Variants in CLOCK observed in about 807,000 individuals in gnomAD.
The protein encoded by CLOCK is circadian locomoter output cycles protein kaput.
In CLOCK, 43 loss-of-function variants were observed where a neutral mutation model predicts 118.4. The ratio of observed to expected loss-of-function variants is 0.36; its 90% CI spans 0.28 to 0.47. The LOEUF (loss-of-function observed/expected upper bound fraction) is 0.47, where lower values mean the gene tolerates loss of function less well. CLOCK is among the 20% of genes least tolerant of loss of function. CLOCK has a pLI of 1.00. For synonymous variants in CLOCK, 326 were observed against 339.2 expected, an observed-to-expected ratio of 0.96 and a Z score of 0.43; for missense variants, 846 against 999.9, an observed-to-expected ratio of 0.85 and a Z score of 2.08.
chr4:55,524,870 A>G (rs1403529185), intron 1 of CLOCK, among the ~76,000 whole-genome samples: 1 of 152,194 alleles, frequency 6.6e-6, no homozygotes, highest in African/African-American at 2.4e-5. Flanking sequence ...GCCTACAATG[A>G]TGATATCTCC....
At position 55,443,872 on chromosome 4, in the gene CLOCK, C is replaced by CAA; in HGVS notation, c.1716_1717insTT (p.Gly573LeufsTer3). 1 of 1,612,844 alleles carries CAA rather than the reference C, an allele frequency of 6.2e-7. No individual in the cohort carries two copies. The highest frequency in any genetic ancestry group is 8.5e-7 in the Non-Finnish European group (1 of 1,179,908). On this transcript the variant is annotated frameshift_variant, in exon 20 of 23. Transcript: ENST00000513440. LOFTEE classifies it high-confidence loss of function. ...AGTTGAACGGAACCAAAATTCAACC[C>CAA]AGGATTTGATTGTTGCAAAAACATC...
chr4:55,508,386 A>G (rs932810890), intron 2 of CLOCK, among the ~76,000 whole-genome samples: 2 of 152,210 alleles, frequency 1.3e-5, no homozygotes, highest in Admixed American at 6.5e-5. Flanking sequence ...TTAAAATGAC[A>G]CAGGTCAATA....
intron 2 of CLOCK, among the ~76,000 whole-genome samples, chr4:55,497,711 A>G (rs1728177490): frequency 6.6e-6 from 1 of 152,206 alleles, no homozygotes; most frequent in Admixed American, 6.5e-5. Context: ...ACTAAAGTCT[A>G]ACTTTATTGC....
chr4:55,499,531 T>C (rs187531428), intron 2 of CLOCK, among the ~76,000 whole-genome samples: 5 of 152,370 alleles, frequency 3.3e-5, no homozygotes, highest in Non-Finnish European at 7.3e-5. Flanking sequence ...CGCAGTTCAC[T>C]GCAGGGTTCA....
chr4:55,443,934 G>T (rs760074243), intron 19 of CLOCK, 38 bp from the exon 20 acceptor site: 1 of 1,572,334 alleles, frequency 6.4e-7, no homozygotes, highest in South Asian at 1.1e-5. Flanking sequence ...GAGCTTTGTA[G>T]ATTGAAAAGA....
rs922623108 is a variant in CLOCK at position 55,427,929 on chromosome 4, AGTCT to A, written c.*7482_*7485del. The A allele has an allele frequency of 9.2e-5, 14 of 152,350 alleles. No homozygotes were observed. Among genetic ancestry groups the A allele is most frequent in the African/African-American group, 3.4e-4 (14 of 41,580 alleles). 9.4% of individuals were successfully genotyped at this position (152,350 alleles called of 1,614,324 possible). The stretch of plus-strand genomic sequence containing the variant: ...TGATAGTGATCTTAAAATATTTAAT[AGTCT>A]TTCTTTAAAATCCAAAATGTGATTC... On this transcript the variant is annotated 3_prime_UTR_variant, in exon 23 of 23. Coordinates refer to ENST00000513440, the MANE Select transcript of CLOCK (RefSeq NM_004898.4).
chr4:55,432,424 C>T lies in CLOCK; in HGVS notation c.*2991G>A, dbSNP rs996404645. ...TCAGTAGTTTCTTACCTAAAAAGTA[C>T]CACCCAGAATAAGTGTTTTTAAGAA... On this transcript the variant is annotated 3_prime_UTR_variant, in exon 23 of 23. Coordinates refer to ENST00000513440, the MANE Select transcript of CLOCK (RefSeq NM_004898.4). 1 of 150,350 alleles carries T rather than the reference C, an allele frequency of 6.7e-6. No individual in the cohort carries two copies. The highest frequency in any genetic ancestry group is 6.6e-5 in the Admixed American group (1 of 15,064). The allele number at this position is 150,350 out of a possible 1,614,324, so 9.3% of individuals were successfully genotyped here. A position where few individuals can be genotyped will look rare whatever the true frequency, so the allele number is the denominator to read the frequency against.
intron 3 of CLOCK, among the ~76,000 whole-genome samples, chr4:55,488,293 T>C (rs1727436398): frequency 6.6e-6 from 1 of 152,198 alleles, no homozygotes; most frequent in Admixed American, 6.5e-5. Flanking sequence ...TCCTTCTAAA[T>C]CTGTATACAC....
At chr4:55,521,845 A>T (rs1208926784) in intron 1 of CLOCK, among the ~76,000 whole-genome samples, 40 of 152,220 alleles carry the variant, frequency 2.6e-4, no homozygotes, top group Admixed American at 2.6e-3. Context: ...AGACAAACTG[A>T]TCTTAGTATT....
chr4:55,482,958 T>C, intron 3 of CLOCK, 130 bp from the exon 4 acceptor site: 1 of 454,984 alleles, frequency 2.2e-6, no homozygotes, highest in Non-Finnish European at 3.9e-6. Context: ...GATCAGAACA[T>C]TATTTTCAAG....
At chr4:55,494,507 C>G (rs1039510513) in intron 2 of CLOCK, among the ~76,000 whole-genome samples, 1 of 151,632 alleles carries the variant, frequency 6.6e-6, no homozygotes, top group Non-Finnish European at 1.5e-5. Context: ...AAAGAACGGT[C>G]AAAAAGATGG....
At chr4:55,532,484 C>A (rs1036639561) in intron 1 of CLOCK, among the ~76,000 whole-genome samples, 31 of 151,976 alleles carry the variant, frequency 2.0e-4, no homozygotes, top group Middle Eastern at 3.4e-3. Context: ...CCGAAATCAA[C>A]ACACAAAAAT....
Position 55,461,891 on chromosome 4 carries a change from AG to A in CLOCK, c.559+1793del, listed in dbSNP as rs1323634151. 1.4e-4 allele frequency among the ~76,000 whole-genome samples: 21 copies of A among 152,206 alleles called. No individual in the cohort carries two copies. In the East Asian group the frequency reaches 4.0e-3, roughly 29 times the overall value. ...GTAAAAAATAAAACTCAAATTCCTTAGCCCCTTTATAATTCTGTCCTTATTC... is the reference window on the plus strand; with the variant it reads ...GTAAAAAATAAAACTCAAATTCCTTACCCCTTTATAATTCTGTCCTTATTC... On this transcript the variant is annotated intron_variant, in intron 9 of 22. Coordinates refer to ENST00000513440, the MANE Select transcript of CLOCK (RefSeq NM_004898.4).
chr4:55,459,504 T>G (rs1474713826), intron 9 of CLOCK, among the ~76,000 whole-genome samples: 2 of 152,218 alleles, frequency 1.3e-5, no homozygotes, highest in Non-Finnish European at 2.9e-5. Context: ...TTTTAGCTAC[T>G]CATCCTTTTC....
chr4:55,517,742 T>C (rs1372028846), intron 1 of CLOCK, among the ~76,000 whole-genome samples: 2 of 152,264 alleles, frequency 1.3e-5, no homozygotes, highest in South Asian at 2.1e-4. Context: ...AGATATCTTT[T>C]TGGGGAGTTT....
chr4:55,447,691 A>C (rs564516174), intron 18 of CLOCK, among the ~76,000 whole-genome samples: 6 of 152,202 alleles, frequency 3.9e-5, no homozygotes, highest in Non-Finnish European at 8.8e-5. Context: ...CTGAGATTAA[A>C]AAACTAATAA....
intron 2 of CLOCK, among the ~76,000 whole-genome samples, chr4:55,508,755 G>C (rs547887686): frequency 1.3e-4 from 20 of 152,196 alleles, no homozygotes; most frequent in African/African-American, 4.8e-4. Context: ...ACCACGCCTG[G>C]CTAATTGTTT....
intron 2 of CLOCK, among the ~76,000 whole-genome samples, chr4:55,496,642 T>G (rs1360942777): frequency 6.6e-6 from 1 of 152,194 alleles, no homozygotes; most frequent in African/African-American, 2.4e-5. Context: ...ATGCAAATAA[T>G]GAAAAACTTG....
chr4:55,461,208 G>A lies in CLOCK; in HGVS notation c.560-1947C>T, dbSNP rs554506962. 2.4e-4 allele frequency among the ~76,000 whole-genome samples: 36 copies of A among 152,232 alleles called. No homozygotes were observed. In the South Asian group the frequency reaches 3.9e-3, roughly 17 times the overall value. On this transcript the variant is annotated intron_variant, in intron 9 of 22. Coordinates refer to ENST00000513440, the MANE Select transcript of CLOCK (RefSeq NM_004898.4). ...CTCCCAAAGTGCTGAGATTATAGGC[G>A]TGAACAACTGTGCTCAGCCCATCCT...
Sources: allele counts gnomAD v4.1 joint callset (sites outside exome capture counted in the v4.1 genomes callset), GRCh38; gene constraint gnomAD v4.1.1; transcripts MANE v1.5; gene names NCBI Gene and HGNC (gene_info 2026-07-23, HGNC 2026-07-21).